GALNT18: variants seen among roughly 807,000 people sequenced by gnomAD.
GALNT18 encodes polypeptide N-acetylgalactosaminyltransferase 18, also known as GalNAc-transferase 18.
A neutral mutation model predicts 69.5 loss-of-function variants in GALNT18; 44 were observed. The ratio of observed to expected loss-of-function variants is 0.63; its 90% CI spans 0.50 to 0.81. The LOEUF (loss-of-function observed/expected upper bound fraction) is 0.81. GALNT18 is among the 40% of genes least tolerant of loss of function. The probability of loss-of-function intolerance (pLI) is 0.00; values close to 1 mark genes in which losing one functional copy is unlikely to be tolerated. For synonymous variants in GALNT18, 364 were observed against 318.2 expected (o/e 1.14, Z -1.53); for missense variants, 715 against 810.0 (o/e 0.88, Z 1.42).
chr11:11,377,189 G>A lies in GALNT18; in HGVS notation c.970C>T (p.Pro324Ser). ...AWWKLENSTA[P>S]IRSPALIGCF... ...GGTAAAGGTTTGCTTTACCTGATTG[G>A]CGCTGTGGAGTTCTCCAGCTTCCAC... Residue 324 changes from proline (P) to serine (S), a missense_variant, in exon 5 of 11, where the codon CCA becomes TCA. By Grantham distance (74) the Pro-to-Ser change is moderately conservative. Coordinates refer to ENST00000227756, the MANE Select transcript of GALNT18 (RefSeq NM_198516.3). This position sits in a 1 kb window ranked among gnomAD's most constrained non-coding sequence, Gnocchi z 4.6. The A allele has an allele frequency of 6.2e-7, 1 of 1,612,868 alleles. No homozygotes were observed. Among genetic ancestry groups the A allele is most frequent in the South Asian group, 1.1e-5 (1 of 91,016 alleles).
intron 1 of GALNT18, among the ~76,000 whole-genome samples, chr11:11,558,163 C>T (rs1459221276): frequency 6.6e-6 from 1 of 152,128 alleles, no homozygotes; most frequent in Admixed American, 6.5e-5. Context: ...TCTCAGATCC[C>T]CATTTCTTTT....
At chr11:11,386,926 A>G (rs1589959622) in intron 3 of GALNT18, among the ~76,000 whole-genome samples, 1 of 152,332 alleles carries the variant, frequency 6.6e-6, no homozygotes, top group South Asian at 2.1e-4. Context: ...CATCCCAGCA[A>G]AGAGTCTGAT....
At chr11:11,557,085 C>CTATGAGGTT (rs1858349352) in intron 1 of GALNT18, among the ~76,000 whole-genome samples, 1 of 152,116 alleles carries the variant, frequency 6.6e-6, no homozygotes, top group South Asian at 2.1e-4. Flanking sequence ...CTGGATGGCC[C>CTATGAGGTT]TATGAGGTTT....
At chr11:11,393,544 TTC>T (rs1854246731) in intron 3 of GALNT18, among the ~76,000 whole-genome samples, 1 of 152,272 alleles carries the variant, frequency 6.6e-6, no homozygotes, top group Non-Finnish European at 1.5e-5. Context: ...CCATGTGGGC[TTC>T]CTTGCTCTCC....
chr11:11,311,655 T>C (rs1258187436), intron 9 of GALNT18, among the ~76,000 whole-genome samples: 1 of 152,134 alleles, frequency 6.6e-6, no homozygotes, highest in African/African-American at 2.4e-5. Flanking sequence ...TCATAGCAAC[T>C]GGCCCATCAT....
In GALNT18 at chr11:11,382,780, C is replaced by G. The variant is rs938165165; in HGVS notation, c.596-3516G>C. On this transcript the variant is annotated intron_variant, in intron 3 of 10. Transcript: ENST00000227756. This position sits in a 1 kb window ranked among gnomAD's most constrained non-coding sequence, Gnocchi z 4.3. ...ATCTTTAATTAATTTTTTGAAATTT[C>G]TATAAATAACATTTAATAAAGTGTC... 1.3e-5 allele frequency among the ~76,000 whole-genome samples: 2 copies of G among 151,704 alleles called. No homozygotes were observed. The highest frequency in any genetic ancestry group is 6.6e-5 in the Admixed American group (1 of 15,236).
chr11:11,375,597 G>A (rs546855655), intron 5 of GALNT18, among the ~76,000 whole-genome samples: 78 of 152,336 alleles, frequency 5.1e-4, no homozygotes, highest in African/African-American at 1.8e-3. Flanking sequence ...GCTTCTCTGG[G>A]TGGATCCTGG....
chr11:11,367,757 G>A (rs16909542), intron 6 of GALNT18, among the ~76,000 whole-genome samples: 7,981 of 152,224 alleles, frequency 0.052, 299 homozygotes, highest in African/African-American at 0.11. Flanking sequence ...CTCCATGTCC[G>A]TTCCATACAA....
intron 1 of GALNT18, among the ~76,000 whole-genome samples, chr11:11,467,308 C>G (rs1415499699): frequency 6.6e-6 from 1 of 152,214 alleles, no homozygotes; most frequent in African/African-American, 2.4e-5. Context: ...ACCCATGGCT[C>G]CATGGCCAGA....
In GALNT18 at chr11:11,592,533, A is replaced by G. The variant is rs12288199; in HGVS notation, c.235+28826T>C. On this transcript the variant is annotated intron_variant, in intron 1 of 10. Transcript: ENST00000227756. The surrounding 1 kb of genome is among the most constrained non-coding windows in gnomAD (Gnocchi z 5.9). ...AACCATGCTCCCTCACCTTACCCCC[A>G]CACACAGCACACGCCCTGGGTCTGG... Among the ~76,000 whole-genome samples the G allele has an allele frequency of 0.04, 6,150 of 152,128 alleles. 408 individuals carry two copies. The highest frequency in any genetic ancestry group is 0.14 in the African/African-American group (5,770 of 41,464).
chr11:11,504,846 A>T (rs1857040934), intron 1 of GALNT18, among the ~76,000 whole-genome samples: 1 of 152,144 alleles, frequency 6.6e-6, no homozygotes, highest in Admixed American at 6.6e-5. Flanking sequence ...AGTGCCAATT[A>T]TGTGCTGGGC....
At chr11:11,482,830 C>T (rs1365777466) in intron 1 of GALNT18, among the ~76,000 whole-genome samples, 3 of 151,826 alleles carry the variant, frequency 2.0e-5, no homozygotes, top group Non-Finnish European at 4.4e-5. Context: ...GTCAGATGCA[C>T]AGGGCTTGTC....
In GALNT18 at chr11:11,496,878, G is replaced by C. The variant is rs780421172; in HGVS notation, c.236-47942C>G. ...TGCCACCCATCAACCACAGTAACCA[G>C]AGTGAACTTCTAGAAACACAAATCA... On this transcript the variant is annotated intron_variant, in intron 1 of 10. Coordinates refer to ENST00000227756, the MANE Select transcript of GALNT18 (RefSeq NM_198516.3). The surrounding 1 kb of genome is among the most constrained non-coding windows in gnomAD (Gnocchi z 4.0). Among the ~76,000 whole-genome samples, 1 of 152,112 alleles carries C rather than the reference G, an allele frequency of 6.6e-6. No homozygotes were observed.
At chr11:11,539,435 C>A (rs1302909619) in intron 1 of GALNT18, among the ~76,000 whole-genome samples, 1 of 152,192 alleles carries the variant, frequency 6.6e-6, no homozygotes, top group Non-Finnish European at 1.5e-5. Context: ...TTTGGCCTGG[C>A]CACCCTTCCA....
rs1856086410 is a variant in GALNT18, at chr11:11,463,263, C to T, written c.236-14327G>A. On this transcript the variant is annotated intron_variant, in intron 1 of 10. Coordinates refer to ENST00000227756, the MANE Select transcript of GALNT18 (RefSeq NM_198516.3). The surrounding 1 kb of genome is among the most constrained non-coding windows in gnomAD (Gnocchi z 4.2). ...AGAGAGTTCCAGAAGCCCGCAGCAG[C>T]CTACAAAAGCTCATCCTGAAAACAG... Among the ~76,000 whole-genome samples the T allele has an allele frequency of 6.6e-6, 1 of 152,000 alleles. No individual in the cohort carries two copies. The highest frequency in any genetic ancestry group is 1.9e-4 in the East Asian group (1 of 5,192).
chr11:11,356,894 T>C lies in GALNT18; in HGVS notation c.1092+15621A>G, dbSNP rs1850538884. Among the ~76,000 whole-genome samples the C allele has an allele frequency of 1.3e-5, 2 of 152,304 alleles. No homozygotes were observed. Among genetic ancestry groups the C allele is most frequent in the South Asian group, 4.2e-4 (2 of 4,818 alleles). On this transcript the variant is annotated intron_variant, in intron 6 of 10. Coordinates refer to ENST00000227756, the MANE Select transcript of GALNT18 (RefSeq NM_198516.3). This position sits in a 1 kb window ranked among gnomAD's most constrained non-coding sequence, Gnocchi z 4.4. ...ATTTTGCACTTATCTTCACTAACCA[T>C]AAAACTTTTACAACGTACTTTTAAA... is the stretch of plus-strand genomic sequence containing the variant.
intron 3 of GALNT18, among the ~76,000 whole-genome samples, chr11:11,422,813 C>T (rs1855040260): frequency 6.6e-6 from 1 of 152,088 alleles, no homozygotes; most frequent in African/African-American, 2.4e-5. Context: ...TGGTGGCAAG[C>T]AATCTGGGGA....
intron 1 of GALNT18, among the ~76,000 whole-genome samples, chr11:11,535,019 C>T (rs1052066518): frequency 1.3e-5 from 2 of 152,266 alleles, no homozygotes; most frequent in African/African-American, 4.8e-5. Context: ...TGAGTGACCA[C>T]AGGCAAAGCT....
chr11:11,381,632 C>T (rs1310178981), intron 3 of GALNT18, among the ~76,000 whole-genome samples: 1 of 152,188 alleles, frequency 6.6e-6, no homozygotes, highest in Non-Finnish European at 1.5e-5. Context: ...AAGTTCCAGG[C>T]CTTTTGCATT....
Sources: gnomAD v4.1 joint callset for allele counts (sites outside exome capture counted in the v4.1 genomes callset) on GRCh38, gnomAD v4.1.1 for gene constraint, Gnocchi (gnomAD v3.1) non-coding constraint, MANE v1.5 for transcripts, NCBI Gene and HGNC (gene_info 2026-07-23, HGNC 2026-07-21) for gene names.